The following PGCKA1 variants were observed in gnomAD, a reference collection of about 807,000 sequenced individuals.
PGCKA1 encodes the protein PDCD10 and GCKIII kinases associated 1.
At chr4:37,544,584 T>C in the PGCKA1 span, among the ~76,000 whole-genome samples, 2 of 152,004 alleles carry the variant, frequency 1.3e-5, no homozygotes, top group Non-Finnish European at 2.9e-5. Context: ...TTCACCTTTT[T>C]CTTCTAGATT....
At chr4:37,557,314 G>A in the PGCKA1 span, among the ~76,000 whole-genome samples, 4 of 152,272 alleles carry the variant, frequency 2.6e-5, no homozygotes, top group East Asian at 5.8e-4. Context: ...GTCCATCAGA[G>A]AAGAGGCACA....
At chr4:37,529,301 A>G in the PGCKA1 span, among the ~76,000 whole-genome samples, 11 of 152,328 alleles carry the variant, frequency 7.2e-5, no homozygotes, top group African/African-American at 2.4e-4. Flanking sequence ...GGTACTTCAA[A>G]TTATAAGCTA....
At chr4:37,554,123 G>T in the PGCKA1 span, among the ~76,000 whole-genome samples, 1 of 152,150 alleles carries the variant, frequency 6.6e-6, no homozygotes, top group Admixed American at 6.5e-5. Context: ...AGATCTGATG[G>T]TTTTATAAAG....
chr4:37,557,766 A>C, the PGCKA1 span, among the ~76,000 whole-genome samples: 3 of 152,182 alleles, frequency 2.0e-5, no homozygotes, highest in Admixed American at 1.3e-4. Flanking sequence ...AAATCTCACT[A>C]TAATATTATT....
chr4:37,547,359 T>TGC, the PGCKA1 span, among the ~76,000 whole-genome samples: 1 of 152,208 alleles, frequency 6.6e-6, no homozygotes, highest in South Asian at 2.1e-4. Flanking sequence ...AGTGTGTGTG[T>TGC]GCCCTTTTTA....
the PGCKA1 span, among the ~76,000 whole-genome samples, chr4:37,509,199 T>C: frequency 6.7e-6 from 1 of 148,622 alleles, no homozygotes; most frequent in East Asian, 2.0e-4. Flanking sequence ...TGGGTACACC[T>C]CCCAGACGGG....
the PGCKA1 span, among the ~76,000 whole-genome samples, chr4:37,578,884 C>G: frequency 1.3e-5 from 2 of 151,874 alleles, no homozygotes; most frequent in East Asian, 3.9e-4. Flanking sequence ...TGGTGAAACC[C>G]CATCTCTACT....
At chr4:37,499,465 T>C in the PGCKA1 span, among the ~76,000 whole-genome samples, 47 of 152,342 alleles carry the variant, frequency 3.1e-4, 2 homozygotes, top group Admixed American at 2.7e-3. Context: ...GTAGGCTATA[T>C]ATTTCTGATT....
At chr4:37,494,956 AT>A in the PGCKA1 span, among the ~76,000 whole-genome samples, 1 of 152,104 alleles carries the variant, frequency 6.6e-6, no homozygotes, top group Admixed American at 6.5e-5. Context: ...AACCTACAGA[AT>A]GGGAGAAAAT....
At chr4:37,590,654 A>G in the PGCKA1 span, 1 of 1,614,168 alleles carries the variant, frequency 6.2e-7, no homozygotes, top group Non-Finnish European at 8.5e-7. Context: ...GACAACGTTG[A>G]TCATAATGAA....
chr4:37,565,219 A>T, the PGCKA1 span, among the ~76,000 whole-genome samples: 1 of 152,184 alleles, frequency 6.6e-6, no homozygotes, highest in Admixed American at 6.5e-5. Context: ...CATTCTAGTC[A>T]TTCACACAAA....
the PGCKA1 span, among the ~76,000 whole-genome samples, chr4:37,548,806 T>TAGAAC: frequency 6.6e-6 from 1 of 151,598 alleles, no homozygotes; most frequent in East Asian, 1.9e-4. Flanking sequence ...GTTAAAGACT[T>TAGAAC]AAACTTTGGC....
the PGCKA1 span, among the ~76,000 whole-genome samples, chr4:37,505,600 G>A: frequency 6.6e-6 from 1 of 152,180 alleles, no homozygotes; most frequent in African/African-American, 2.4e-5. Context: ...AGCAAGTCAC[G>A]TCTTACATGG....
chr4:37,534,142 T>C, the PGCKA1 span, among the ~76,000 whole-genome samples: 1 of 152,238 alleles, frequency 6.6e-6, no homozygotes, highest in Admixed American at 6.5e-5. Flanking sequence ...CTTGTTTTTC[T>C]TTTTGAAAAT....
At chr4:37,509,413 C>G in the PGCKA1 span, among the ~76,000 whole-genome samples, 1 of 133,362 alleles carries the variant, frequency 7.5e-6, no homozygotes, top group Non-Finnish European at 1.6e-5. Context: ...GGCGGCAGGG[C>G]AGAGATGCTC....
the PGCKA1 span, among the ~76,000 whole-genome samples, chr4:37,454,839 T>C: frequency 6.6e-6 from 1 of 152,126 alleles, no homozygotes; most frequent in Non-Finnish European, 1.5e-5. Flanking sequence ...AAAACAAAAT[T>C]AAAACTCCCT....
the PGCKA1 span, among the ~76,000 whole-genome samples, chr4:37,586,042 G>C: frequency 6.6e-6 from 1 of 150,514 alleles, no homozygotes; most frequent in African/African-American, 2.5e-5. Flanking sequence ...TTTCTTTTTG[G>C]GGGGTGTGTT....
At chr4:37,490,334 T>A in the PGCKA1 span, among the ~76,000 whole-genome samples, 1 of 152,172 alleles carries the variant, frequency 6.6e-6, no homozygotes, top group South Asian at 2.1e-4. Context: ...GGCATTTTTC[T>A]CTTAAATGTA....
At chr4:37,471,884 A>T in the PGCKA1 span, among the ~76,000 whole-genome samples, 5 of 152,230 alleles carry the variant, frequency 3.3e-5, no homozygotes, top group African/African-American at 1.2e-4. Context: ...CTAGCTTAAG[A>T]GATGCTAGCA....
Sources: gnomAD v4.1 joint callset for allele counts (sites outside exome capture counted in the v4.1 genomes callset) on GRCh38, gnomAD v4.1.1 for gene constraint, MANE v1.5 for transcripts, NCBI Gene and HGNC (gene_info 2026-07-23, HGNC 2026-07-21) for gene names.